RAB12: variants seen among roughly 807,000 people sequenced by gnomAD.
RAB12 encodes RAB12, member RAS oncogene family.
Under a neutral mutation model 28.4 loss-of-function variants are expected in RAB12, and 11 were observed. The observed-to-expected ratio is 0.39, with a 90% CI of 0.24 to 0.64. RAB12 has a LOEUF of 0.64. Among genes scored for constraint, RAB12 ranks in the 30% least tolerant of loss-of-function variants. The probability of loss-of-function intolerance (pLI) is 0.50; values close to 1 mark genes in which losing one functional copy is unlikely to be tolerated. For synonymous variants in RAB12, 138 were observed against 145.3 expected, an observed-to-expected ratio of 0.95 and a Z score of 0.36; for missense variants, 276 against 351.1, an observed-to-expected ratio of 0.79 and a Z score of 1.71.
intron 1 of RAB12, among the ~76,000 whole-genome samples, chr18:8,617,720 C>T (rs542330174): frequency 6.3e-4 from 96 of 152,270 alleles, no homozygotes; most frequent in Middle Eastern, 3.4e-3. Flanking sequence ...TTTTGTTCAT[C>T]AGGTGGGGCT....
intron 1 of RAB12, among the ~76,000 whole-genome samples, chr18:8,619,714 C>T (rs1373354893): frequency 3.3e-5 from 5 of 152,200 alleles, no homozygotes; most frequent in Non-Finnish European, 7.3e-5. Context: ...TCTCTCTGCT[C>T]ATCATGTTGT....
intron 2 of RAB12, among the ~76,000 whole-genome samples, chr18:8,625,522 T>C (rs1340294979): frequency 6.6e-6 from 1 of 152,178 alleles, no homozygotes; most frequent in Non-Finnish European, 1.5e-5. Flanking sequence ...CACTAATGCC[T>C]ACTAGAAATG....
chr18:8,624,940 G>C lies in RAB12; in HGVS notation c.517G>C (p.Val173Leu). 1 of 1,579,942 alleles carries C rather than the reference G, an allele frequency of 6.3e-7. No homozygotes were observed. The change falls in exon 2 of 6, where the codon GTT becomes CTT. Residue 173 changes from valine to leucine, a missense_variant and splice_region_variant. By Grantham distance (32) the Val-to-Leu change is conservative (BLOSUM62 1). Coordinates refer to ENST00000649141, the MANE Select transcript of RAB12 (RefSeq NM_001025300.3). ...ACATTTATTTGTTTTATTTACAGGT[G>C]TTGACTTCAAAATCAAAACTGTAGA... ...FCEACKSTVG[V>L]DFKIKTVELR...
intron 1 of RAB12, among the ~76,000 whole-genome samples, chr18:8,621,721 G>A (rs2096009976): frequency 6.6e-6 from 1 of 152,070 alleles, no homozygotes; most frequent in Non-Finnish European, 1.5e-5. Context: ...TGTCACCCAG[G>A]CAGTGAGCAT....
chr18:8,614,535 A>T (rs1314274800), intron 1 of RAB12, among the ~76,000 whole-genome samples: 1 of 151,338 alleles, frequency 6.6e-6, no homozygotes, highest in Admixed American at 6.6e-5. Flanking sequence ...AAAAAGACTT[A>T]AAAAAATTAG....
intron 5 of RAB12, among the ~76,000 whole-genome samples, chr18:8,637,788 T>A (rs748719454): frequency 1.3e-5 from 2 of 152,228 alleles, no homozygotes; most frequent in Non-Finnish European, 2.9e-5. Context: ...ACGTATTTTA[T>A]ACCATGTTCT....
At chr18:8,635,236 T>G (rs1322745529) in intron 3 of RAB12, 2 of 200,678 alleles carry the variant, frequency 1.0e-5, no homozygotes, top group African/African-American at 4.6e-5. Context: ...CCATTTTGAG[T>G]GTAGAGCTTT....
intron 2 of RAB12, among the ~76,000 whole-genome samples, chr18:8,626,711 A>G (rs563110178): frequency 1.1e-4 from 17 of 152,324 alleles, no homozygotes; most frequent in Admixed American, 6.5e-4. Context: ...AGCAGCGGGC[A>G]CTCAGAAACC....
chr18:8,610,430 C>T (rs1283743071), intron 1 of RAB12, among the ~76,000 whole-genome samples: 1 of 152,240 alleles, frequency 6.6e-6, no homozygotes, highest in Admixed American at 6.5e-5. Context: ...TTTAAAGTCA[C>T]CTATGGAGAA....
intron 1 of RAB12, among the ~76,000 whole-genome samples, chr18:8,623,328 C>A (rs1001058285): frequency 6.6e-6 from 1 of 152,206 alleles, no homozygotes; most frequent in Admixed American, 6.5e-5. Context: ...CGTTCTTCTG[C>A]CATGGCTTCA....
intron 2 of RAB12, among the ~76,000 whole-genome samples, chr18:8,625,544 C>T (rs1412220140): frequency 6.6e-6 from 1 of 152,186 alleles, no homozygotes; most frequent in Non-Finnish European, 1.5e-5. Flanking sequence ...ATCCAGGCCC[C>T]TTTCTCAAAT....
At chr18:8,620,095 G>A (rs1416927758) in intron 1 of RAB12, among the ~76,000 whole-genome samples, 1 of 140,612 alleles carries the variant, frequency 7.1e-6, no homozygotes, top group African/African-American at 2.7e-5. Context: ...TCCTGCCACT[G>A]CACTCCAGCC....
chr18:8,629,969 T>C (rs2096015013), intron 2 of RAB12, among the ~76,000 whole-genome samples: 1 of 152,234 alleles, frequency 6.6e-6, no homozygotes, highest in Non-Finnish European at 1.5e-5. Context: ...TTTGCAAGTG[T>C]TAGTCCTTCC....
intron 5 of RAB12, among the ~76,000 whole-genome samples, chr18:8,637,735 C>CTGA (rs1295498938): frequency 2.0e-5 from 3 of 152,134 alleles, no homozygotes; most frequent in Admixed American, 2.0e-4. Context: ...GGAAGCCTTA[C>CTGA]TGATAACATA....
At chr18:8,611,711 A>G (rs2096003915) in intron 1 of RAB12, among the ~76,000 whole-genome samples, 1 of 152,164 alleles carries the variant, frequency 6.6e-6, no homozygotes, top group Non-Finnish European at 1.5e-5. Flanking sequence ...AATAAGGAAG[A>G]GCTGCGGAGG....
At chr18:8,620,139 C>CTTTTTTTTTTTTTTTTTTT (rs71165795) in intron 1 of RAB12, among the ~76,000 whole-genome samples, 20 of 53,942 alleles carry the variant, frequency 3.7e-4, no homozygotes, top group Admixed American at 7.1e-4. Flanking sequence ...TTTTCTTCTT[C>CTTTTTTTTTTTTTTTTTTT]TTTTTTTTTT....
Position 8,609,763 on chromosome 18 carries a change from G to GGGC in RAB12, c.333_335dup (p.Gly112dup). On this transcript the variant is annotated inframe_insertion, in exon 1 of 6. Coordinates refer to ENST00000649141, the MANE Select transcript of RAB12 (RefSeq NM_001025300.3). ...GCGCCGCGCTGCAGAGGCGGGCCGG[G>GGGC]GGCGGCGGCGGTCTGGGCGCGGGCT... 7.9e-7 allele frequency: 1 copy of GGGC among 1,266,556 alleles called. No homozygotes were observed. 78.5% of individuals were successfully genotyped at this position (1,266,556 alleles called of 1,614,324 possible).
At chr18:8,632,988 G>A (rs1489144846) in intron 2 of RAB12, 3 of 584,020 alleles carry the variant, frequency 5.1e-6, no homozygotes, top group Non-Finnish European at 9.0e-6. Context: ...AAATATAAAG[G>A]TATTTTCTAT....
chr18:8,613,955 C>T (rs371554793), intron 1 of RAB12, among the ~76,000 whole-genome samples: 1 of 152,154 alleles, frequency 6.6e-6, no homozygotes, highest in South Asian at 2.1e-4. Context: ...CAGATGAGGA[C>T]GAGAAGTCTC....
Sources: gnomAD v4.1 joint callset for allele counts (sites outside exome capture counted in the v4.1 genomes callset) on GRCh38, gnomAD v4.1.1 for gene constraint, MANE v1.5 for transcripts, NCBI Gene and HGNC (gene_info 2026-07-23, HGNC 2026-07-21) for gene names.